Variants in MGAT4C observed in about 807,000 individuals in gnomAD.
MGAT4C encodes the protein alpha-1,3-mannosyl-glycoprotein 4-beta-N-acetylglucosaminyltransferase C.
MGAT4C carries 19 observed loss-of-function variants against 40.1 expected under a neutral mutation model. The observed-to-expected ratio is 0.47, with a 90% confidence interval of 0.33 to 0.70. The LOEUF is 0.70. Ranked by LOEUF, MGAT4C falls within the 30% of genes least tolerant of loss-of-function variation. The probability of loss-of-function intolerance (pLI) is 0.02; values close to 1 mark genes in which losing one functional copy is unlikely to be tolerated. For missense variants in MGAT4C, 491 were observed against 563.2 expected, an observed-to-expected ratio of 0.87 and a Z score of 1.30; for synonymous variants, 181 against 187.1, an observed-to-expected ratio of 0.97 and a Z score of 0.27.
chr12:86,364,040 A>G (rs548209992), intron 3 of MGAT4C, among the ~76,000 whole-genome samples: 10 of 151,970 alleles, frequency 6.6e-5, no homozygotes, highest in Non-Finnish European at 1.3e-4. Flanking sequence ...ATGGTCCTCT[A>G]TCTGTAAAAC....
At chr12:86,677,197 G>A (rs754250838) in intron 2 of MGAT4C, among the ~76,000 whole-genome samples, 2 of 152,016 alleles carry the variant, frequency 1.3e-5, no homozygotes, top group Non-Finnish European at 2.9e-5. Flanking sequence ...AAATCATAAA[G>A]GCCTTCCTGA....
intron 2 of MGAT4C, among the ~76,000 whole-genome samples, chr12:86,681,845 G>C (rs1263768399): frequency 6.6e-6 from 1 of 151,924 alleles, no homozygotes; most frequent in Non-Finnish European, 1.5e-5. Context: ...GCTAATTTCT[G>C]AGCTTTCAGA....
intron 2 of MGAT4C, among the ~76,000 whole-genome samples, chr12:86,696,943 C>A (rs888713712): frequency 6.6e-6 from 1 of 151,832 alleles, no homozygotes; most frequent in South Asian, 2.1e-4. Context: ...CCGTTCCTAA[C>A]AAGTGCTCTC....
At chr12:86,102,634 G>A (rs979154577) in intron 1 of MGAT4C, among the ~76,000 whole-genome samples, 10 of 151,890 alleles carry the variant, frequency 6.6e-5, no homozygotes, top group Non-Finnish European at 1.3e-4. Flanking sequence ...GAAATCTCCC[G>A]GACAGTATCA....
intron 3 of MGAT4C, among the ~76,000 whole-genome samples, chr12:86,400,080 A>G (rs1476067605): frequency 6.6e-6 from 1 of 152,166 alleles, no homozygotes; most frequent in Non-Finnish European, 1.5e-5. Context: ...CTCCAGGTAG[A>G]TAGTGTCAGA....
chr12:86,297,535 A>G (rs1953711033), intron 4 of MGAT4C, among the ~76,000 whole-genome samples: 1 of 152,210 alleles, frequency 6.6e-6, no homozygotes, highest in Admixed American at 6.5e-5. Context: ...ATGATTAAGA[A>G]ACAAAATCTG....
intron 1 of MGAT4C, among the ~76,000 whole-genome samples, chr12:86,085,107 T>C (rs1235541635): frequency 6.6e-6 from 1 of 152,038 alleles, no homozygotes; most frequent in Non-Finnish European, 1.5e-5. Flanking sequence ...CATTCTCTCA[T>C]ATAGTTTATT....
intron 1 of MGAT4C, among the ~76,000 whole-genome samples, chr12:86,157,296 G>A (rs1237400490): frequency 2.6e-5 from 4 of 151,898 alleles, no homozygotes; most frequent in Admixed American, 2.0e-4. Flanking sequence ...ACCATCGGTC[G>A]ATCCTGAATC....
At chr12:86,546,350 C>A (rs1346093970) in intron 2 of MGAT4C, among the ~76,000 whole-genome samples, 1 of 151,368 alleles carries the variant, frequency 6.6e-6, no homozygotes, top group Non-Finnish European at 1.5e-5. Flanking sequence ...ATATATTATT[C>A]TATATACTAA....
intron 1 of MGAT4C, among the ~76,000 whole-genome samples, chr12:86,071,170 T>C (rs1373244650): frequency 1.3e-5 from 2 of 152,056 alleles, no homozygotes; most frequent in Non-Finnish European, 1.5e-5. Flanking sequence ...AGCCAGAAGC[T>C]ATTCAATTTT....
At chr12:86,311,270 A>G (rs760998465) in intron 4 of MGAT4C, among the ~76,000 whole-genome samples, 3 of 152,166 alleles carry the variant, frequency 2.0e-5, no homozygotes, top group Non-Finnish European at 2.9e-5. Flanking sequence ...ATGGCATTTT[A>G]CCGTACTAAC....
intron 2 of MGAT4C, among the ~76,000 whole-genome samples, chr12:86,438,256 A>C (rs2136275491): frequency 6.6e-6 from 1 of 152,130 alleles, no homozygotes; most frequent in South Asian, 2.1e-4. Flanking sequence ...TATCCACTTA[A>C]GATAAAGCCT....
chr12:86,610,323 A>AAG (rs1962204150), intron 2 of MGAT4C, among the ~76,000 whole-genome samples: 1 of 152,158 alleles, frequency 6.6e-6, no homozygotes, highest in Non-Finnish European at 1.5e-5. Context: ...AGGATATATA[A>AAG]CCCTGGCTTG....
chr12:86,720,451 A>T (rs1363208950), intron 2 of MGAT4C, among the ~76,000 whole-genome samples: 1 of 152,160 alleles, frequency 6.6e-6, no homozygotes, highest in Admixed American at 6.6e-5. Context: ...GACATTTTAA[A>T]CTACTGCAAT....
chr12:86,069,588 C>T (rs1894875847), intron 1 of MGAT4C, among the ~76,000 whole-genome samples: 1 of 152,162 alleles, frequency 6.6e-6, no homozygotes, highest in African/African-American at 2.4e-5. Context: ...TTCTTATTCT[C>T]AGTTGATGTC....
chr12:86,731,082 G>A (rs1158236394), intron 1 of MGAT4C, among the ~76,000 whole-genome samples: 1 of 152,104 alleles, frequency 6.6e-6, no homozygotes, highest in Non-Finnish European at 1.5e-5. Context: ...TGATTCCTGT[G>A]TAGATGTCAA....
At chr12:86,119,722 CTTTT>C (rs11306440) in intron 1 of MGAT4C, among the ~76,000 whole-genome samples, 1 of 122,192 alleles carries the variant, frequency 8.2e-6, no homozygotes, top group Non-Finnish European at 1.7e-5. Flanking sequence ...TCCCACCATT[CTTTT>C]TTTTTTTTTT....
intron 3 of MGAT4C, among the ~76,000 whole-genome samples, chr12:85,984,195 G>C (rs1884958621): frequency 6.6e-6 from 1 of 152,088 alleles, no homozygotes; most frequent in African/African-American, 2.4e-5. Context: ...TTGGATTTTT[G>C]ATACTTTATT....
chr12:86,824,421 A>T (rs1397117301), intron 1 of MGAT4C, among the ~76,000 whole-genome samples: 1 of 151,498 alleles, frequency 6.6e-6, no homozygotes, highest in Non-Finnish European at 1.5e-5. Flanking sequence ...GGAAAAAAAT[A>T]AATTTGTACT....
Sources: allele counts gnomAD v4.1 joint callset (sites outside exome capture counted in the v4.1 genomes callset), GRCh38; gene constraint gnomAD v4.1.1; transcripts MANE v1.5; gene names NCBI Gene and HGNC (gene_info 2026-07-23, HGNC 2026-07-21).